ATP8A2: variants seen among roughly 807,000 people sequenced by gnomAD.
ATP8A2 encodes phospholipid-transporting ATPase IB.
Under a neutral mutation model 165.6 loss-of-function variants are expected in ATP8A2, and 100 were observed. The observed-to-expected ratio is 0.60, with a 90% CI of 0.51 to 0.71. The LOEUF (loss-of-function observed/expected upper bound fraction) is 0.71. Among genes scored for constraint, ATP8A2 ranks in the 30% least tolerant of loss-of-function variants. ATP8A2 has a pLI of 0.00. For missense variants in ATP8A2, 1,227 were observed against 1,479.5 expected (o/e 0.83, Z 2.80); for synonymous variants, 543 against 548.8 (o/e 0.99, Z 0.15).
At chr13:25,952,989 G>A (rs796812622) in intron 33 of ATP8A2, among the ~76,000 whole-genome samples, 3 of 152,298 alleles carry the variant, frequency 2.0e-5, no homozygotes, top group Non-Finnish European at 2.9e-5. Context: ...CTCCCTTGAC[G>A]TTTGAATGGA....
chr13:25,380,634 G>A (rs981819872), intron 1 of ATP8A2, among the ~76,000 whole-genome samples: 1 of 152,130 alleles, frequency 6.6e-6, no homozygotes, highest in Non-Finnish European at 1.5e-5. Flanking sequence ...CTGCTAGAAA[G>A]TTTAAAATTG....
chr13:25,895,572 C>T (rs1184085133), intron 33 of ATP8A2, among the ~76,000 whole-genome samples: 1 of 151,978 alleles, frequency 6.6e-6, no homozygotes, highest in East Asian at 1.9e-4. Flanking sequence ...AGGATTCCCT[C>T]TTTTTCTATT....
At chr13:25,842,644 C>T (rs990601300) in intron 30 of ATP8A2, among the ~76,000 whole-genome samples, 3 of 148,770 alleles carry the variant, frequency 2.0e-5, no homozygotes, top group Non-Finnish European at 3.0e-5. Context: ...TGCACTCCAG[C>T]CTGGGCCAAA....
intron 1 of ATP8A2, among the ~76,000 whole-genome samples, chr13:25,462,397 C>T (rs1441368688): frequency 6.6e-6 from 1 of 152,176 alleles, no homozygotes. Flanking sequence ...AAATGCTACA[C>T]TTATGGTTAC....
chr13:25,495,036 C>A (rs2036632408), intron 2 of ATP8A2, among the ~76,000 whole-genome samples: 1 of 152,182 alleles, frequency 6.6e-6, no homozygotes, highest in African/African-American at 2.4e-5. Flanking sequence ...TTCCCTGTGG[C>A]CAGCTACCTC....
chr13:25,614,070 T>C (rs1257672577), intron 24 of ATP8A2, among the ~76,000 whole-genome samples: 1 of 152,208 alleles, frequency 6.6e-6, no homozygotes, highest in African/African-American at 2.4e-5. Context: ...TCCTGTAGTC[T>C]AGATCTCTAG....
chr13:25,829,668 G>GGATATATATATA (rs1951405727), intron 28 of ATP8A2, among the ~76,000 whole-genome samples: 1 of 63,394 alleles, frequency 1.6e-5, no homozygotes, highest in Non-Finnish European at 3.1e-5. Context: ...GACAGGTGTG[G>GGATATATATATA]TATATATATA....
At chr13:25,880,850 C>T (rs1311864890) in intron 33 of ATP8A2, 1 of 448,542 alleles carries the variant, frequency 2.2e-6, no homozygotes, top group East Asian at 7.0e-5. Flanking sequence ...AAAAAGGTGG[C>T]TCATTTTACC....
chr13:25,853,165 G>T (rs1320839237), intron 30 of ATP8A2, among the ~76,000 whole-genome samples: 1 of 151,806 alleles, frequency 6.6e-6, no homozygotes, highest in Non-Finnish European at 1.5e-5. Context: ...GAGACAGGTG[G>T]ATCACTTGAG....
chr13:25,478,799 C>T (rs1463250603), intron 2 of ATP8A2, among the ~76,000 whole-genome samples: 1 of 152,040 alleles, frequency 6.6e-6, no homozygotes, highest in Non-Finnish European at 1.5e-5. Flanking sequence ...CATGTAAGTT[C>T]TCTGTCTATA....
chr13:25,887,966 C>G (rs1264571801), intron 33 of ATP8A2, among the ~76,000 whole-genome samples: 1 of 151,940 alleles, frequency 6.6e-6, no homozygotes, highest in Non-Finnish European at 1.5e-5. Flanking sequence ...TTTCAACACA[C>G]TAACATGGAT....
At chr13:25,579,550 G>A (rs1310427469) in intron 21 of ATP8A2, among the ~76,000 whole-genome samples, 4 of 152,066 alleles carry the variant, frequency 2.6e-5, no homozygotes, top group Non-Finnish European at 4.4e-5. Context: ...CACAGCTCCC[G>A]AACCTCTCTG....
At chr13:25,965,082 C>T (rs1395982584) in intron 34 of ATP8A2, among the ~76,000 whole-genome samples, 1 of 152,136 alleles carries the variant, frequency 6.6e-6, no homozygotes, top group Non-Finnish European at 1.5e-5. Context: ...TGGCTTGAAC[C>T]CAGGAGGCAG....
intron 1 of ATP8A2, among the ~76,000 whole-genome samples, chr13:25,430,314 G>T (rs757224505): frequency 5.3e-5 from 8 of 152,132 alleles, no homozygotes; most frequent in Non-Finnish European, 1.0e-4. Context: ...GGGGGCCCGT[G>T]TGGAGGGGCA....
chr13:25,502,235 G>T (rs535790742), intron 2 of ATP8A2, among the ~76,000 whole-genome samples: 1 of 152,348 alleles, frequency 6.6e-6, no homozygotes, highest in Non-Finnish European at 1.5e-5. Flanking sequence ...CAGGCAATTA[G>T]GAGGTGTGAT....
Position 25,751,333 on chromosome 13 carries a change from A to G in ATP8A2, c.2385-17713A>G, listed in dbSNP as rs114306942. On this transcript the variant is annotated intron_variant, in intron 25 of 36. Transcript: ENST00000381655. ...AATACCTTGTACTTGGAAAGTTATG[A>G]TGGAAATATCCTGTAATGTAGCATC... Among the ~76,000 whole-genome samples, 1,382 of 152,344 alleles carry G rather than the reference A, an allele frequency of 9.1e-3. 31 individuals are homozygous for G. Among genetic ancestry groups the G allele is most frequent in the African/African-American group, 0.032 (1,321 of 41,580 alleles).
At chr13:25,710,188 A>T (rs180988182) in intron 25 of ATP8A2, among the ~76,000 whole-genome samples, 15 of 152,314 alleles carry the variant, frequency 9.8e-5, no homozygotes, top group Admixed American at 9.1e-4. Context: ...ATGTTTTGAT[A>T]CAGGCATACA....
intron 33 of ATP8A2, among the ~76,000 whole-genome samples, chr13:25,952,257 A>G (rs915485088): frequency 1.3e-5 from 2 of 152,172 alleles, no homozygotes; most frequent in Non-Finnish European, 2.9e-5. Flanking sequence ...ACAGGGAGAG[A>G]GTGGGCATGA....
intron 24 of ATP8A2, among the ~76,000 whole-genome samples, chr13:25,646,654 C>CAAAA (rs71186893): frequency 3.7e-3 from 30 of 8,000 alleles, no homozygotes; most frequent in African/African-American, 0.011. Context: ...GACTCCATCT[C>CAAAA]AAAAAAAAAA....
Sources: gnomAD v4.1 joint callset for allele counts (sites outside exome capture counted in the v4.1 genomes callset) on GRCh38, gnomAD v4.1.1 for gene constraint, MANE v1.5 for transcripts, NCBI Gene and HGNC (gene_info 2026-07-23, HGNC 2026-07-21) for gene names.